The following FAM151B variants were observed in gnomAD, a reference collection of about 807,000 sequenced individuals.
FAM151B encodes protein FAM151B.
FAM151B carries 24 observed loss-of-function variants against 31.2 expected under a neutral mutation model. The ratio of observed to expected loss-of-function variants is 0.77; its 90% CI spans 0.56 to 1.08. The LOEUF is 1.08. Among genes scored for constraint, FAM151B ranks in the 50% least tolerant of loss-of-function variants. The pLI is 0.00. For missense variants in FAM151B, 293 were observed against 328.6 expected, an observed-to-expected ratio of 0.89 and a Z score of 0.84; for synonymous variants, 105 against 111.4, an observed-to-expected ratio of 0.94 and a Z score of 0.36.
chr5:80,538,469 T>TCCTTC (rs1745678167), intron 5 of FAM151B, among the ~76,000 whole-genome samples: 1 of 126,884 alleles, frequency 7.9e-6, no homozygotes, highest in Non-Finnish European at 1.7e-5. Flanking sequence ...TTTCTTTCTT[T>TCCTTC]CTTTCTTTCT....
chr5:80,512,161 A>G (rs1744218252), intron 2 of FAM151B, among the ~76,000 whole-genome samples: 2 of 152,244 alleles, frequency 1.3e-5, no homozygotes, highest in Non-Finnish European at 2.9e-5. Flanking sequence ...ATCCATTTGT[A>G]CATCTGCATT....
chr5:80,535,819 A>C (rs1172233198), intron 5 of FAM151B, among the ~76,000 whole-genome samples: 1 of 152,230 alleles, frequency 6.6e-6, no homozygotes, highest in Non-Finnish European at 1.5e-5. Flanking sequence ...GAATGGGAGA[A>C]AACATTTGCA....
intron 1 of FAM151B, among the ~76,000 whole-genome samples, 196 bp downstream of exon 1, chr5:80,488,344 T>C (rs893243945): frequency 1.3e-5 from 2 of 152,228 alleles, no homozygotes; most frequent in Non-Finnish European, 2.9e-5. Flanking sequence ...AGGACCTTGG[T>C]TTGCCGGGTG....
At chr5:80,527,659 T>C (rs1047404716) in intron 5 of FAM151B, among the ~76,000 whole-genome samples, 3 of 152,112 alleles carry the variant, frequency 2.0e-5, no homozygotes, top group Non-Finnish European at 2.9e-5. Context: ...AGTGAAAATA[T>C]GATATAAAAG....
chr5:80,492,592 T>C (rs1404634555), intron 1 of FAM151B, among the ~76,000 whole-genome samples: 1 of 152,196 alleles, frequency 6.6e-6, no homozygotes, highest in Non-Finnish European at 1.5e-5. Flanking sequence ...TTAGGCCAGT[T>C]AATAACCATA....
intron 2 of FAM151B, among the ~76,000 whole-genome samples, chr5:80,512,541 G>A (rs1207777706): frequency 6.6e-6 from 1 of 152,094 alleles, no homozygotes; most frequent in African/African-American, 2.4e-5. Flanking sequence ...ACTTGAGGAG[G>A]CCAAAGCAAG....
chr5:80,490,880 C>T (rs1743308269), intron 1 of FAM151B, among the ~76,000 whole-genome samples: 1 of 152,166 alleles, frequency 6.6e-6, no homozygotes, highest in South Asian at 2.1e-4. Flanking sequence ...CATTTGTGTA[C>T]AAGTTTTTGT....
rs1019331831 is a variant in FAM151B, at chr5:80,492,769, G to A, written c.25+4621G>A. Among the ~76,000 whole-genome samples, 7 of 151,838 alleles carry A rather than the reference G, an allele frequency of 4.6e-5. No homozygotes were observed. The South Asian group carries it at 8.4e-4, about 18-fold the overall frequency. ...GCAGTTCAAGACCAGCCTGGGCAAC[G>A]TATCAAGACCTTGTCTCTACAAAAA... On this transcript the variant is annotated intron_variant, in intron 1 of 5. Transcript: ENST00000282226.
intron 1 of FAM151B, among the ~76,000 whole-genome samples, chr5:80,490,216 A>C (rs947266253): frequency 6.6e-6 from 1 of 152,006 alleles, no homozygotes; most frequent in Non-Finnish European, 1.5e-5. Context: ...GGGAGGCCTT[A>C]TCTCTCCAAA....
intron 5 of FAM151B, among the ~76,000 whole-genome samples, chr5:80,533,991 T>A (rs1467398407): frequency 6.6e-6 from 1 of 151,940 alleles, no homozygotes; most frequent in Non-Finnish European, 1.5e-5. Context: ...TATATGCCAA[T>A]AAACTGGAAA....
At chr5:80,495,999 T>G (rs1743524962) in intron 1 of FAM151B, among the ~76,000 whole-genome samples, 1 of 152,234 alleles carries the variant, frequency 6.6e-6, no homozygotes, top group East Asian at 1.9e-4. Context: ...TGTAATCTAC[T>G]TCTGGTGAAG....
intron 2 of FAM151B, among the ~76,000 whole-genome samples, chr5:80,512,792 A>G (rs1744242104): frequency 6.6e-6 from 1 of 151,872 alleles, no homozygotes; most frequent in South Asian, 2.1e-4. Context: ...AAAAAAAAAA[A>G]AAAGAAATTT....
chr5:80,530,331 A>G (rs1745175617), intron 5 of FAM151B, among the ~76,000 whole-genome samples: 1 of 152,102 alleles, frequency 6.6e-6, no homozygotes, highest in Admixed American at 6.5e-5. Flanking sequence ...GGCACAAGAC[A>G]GGGATGCCCT....
chr5:80,529,188 A>G (rs1013376987), intron 5 of FAM151B, among the ~76,000 whole-genome samples: 1 of 152,210 alleles, frequency 6.6e-6, no homozygotes, highest in African/African-American at 2.4e-5. Context: ...TTTGAAACCA[A>G]CAAGAACAAA....
At chr5:80,541,516 G>A (rs1342191619) in intron 5 of FAM151B, among the ~76,000 whole-genome samples, 157 bp from the exon 6 acceptor site, 1 of 152,144 alleles carries the variant, frequency 6.6e-6, no homozygotes, top group Non-Finnish European at 1.5e-5. Flanking sequence ...CTTGATGAAA[G>A]AATGAAATAT....
At chr5:80,498,497 G>A in intron 1 of FAM151B, 1 of 771,334 alleles carries the variant, frequency 1.3e-6, no homozygotes. Context: ...TAAAAAAGAT[G>A]TTAGCTCATG....
intron 5 of FAM151B, among the ~76,000 whole-genome samples, chr5:80,528,893 G>T (rs978137719): frequency 1.3e-5 from 2 of 152,122 alleles, no homozygotes; most frequent in Non-Finnish European, 2.9e-5. Flanking sequence ...GGACCTAATA[G>T]ACATCTACAG....
At chr5:80,506,050 C>T in intron 2 of FAM151B, 3 of 986,512 alleles carry the variant, frequency 3.0e-6, no homozygotes, top group Non-Finnish European at 3.6e-6. Flanking sequence ...GCCACCACGC[C>T]CGGCCAAGAA....
intron 1 of FAM151B, among the ~76,000 whole-genome samples, chr5:80,497,768 G>C (rs1031400142): frequency 2.1e-5 from 3 of 144,360 alleles, no homozygotes; most frequent in Non-Finnish European, 4.5e-5. Flanking sequence ...GAAGGAAGGG[G>C]AACATCACAC....
Sources: allele counts gnomAD v4.1 joint callset (sites outside exome capture counted in the v4.1 genomes callset), GRCh38; gene constraint gnomAD v4.1.1; transcripts MANE v1.5; gene names NCBI Gene and HGNC (gene_info 2026-07-23, HGNC 2026-07-21).